Variants in LRSAM1 observed in about 807,000 individuals in gnomAD.
LRSAM1 encodes E3 ubiquitin-protein ligase LRSAM1.
In LRSAM1, 96 loss-of-function variants were observed where a neutral mutation model predicts 118.1. That is an observed-to-expected ratio of 0.81 (90% confidence interval 0.69 to 0.96). The LOEUF (loss-of-function observed/expected upper bound fraction) is 0.96, where lower values mean the gene tolerates loss of function less well. LRSAM1 is among the 40% of genes least tolerant of loss of function. The pLI is 0.00. For synonymous variants in LRSAM1, 322 were observed against 364.2 expected (o/e 0.88, Z 1.32); for missense variants, 804 against 915.5 (o/e 0.88, Z 1.57).
At chr9:127,454,901 C>T in intron 3 of LRSAM1, 97 bp from the exon 4 acceptor site, 1 of 1,189,818 alleles carries the variant, frequency 8.4e-7, no homozygotes, top group South Asian at 1.2e-5. Flanking sequence ...TGTCTATGGT[C>T]CTTTGCAGCT....
At chr9:127,482,619 G>A (rs1161227127) in intron 15 of LRSAM1, among the ~76,000 whole-genome samples, 1 of 152,180 alleles carries the variant, frequency 6.6e-6, no homozygotes, top group Non-Finnish European at 1.5e-5. Context: ...CAACCTAGTA[G>A]GTGAAAAGAT....
Position 127,487,743 on chromosome 9 carries a change from A to ATC in LRSAM1, c.1328_1329dup (p.Gln445AlafsTer19). The ATC allele has an allele frequency of 1.2e-6, 2 of 1,613,330 alleles. No homozygotes were observed. Among genetic ancestry groups the ATC allele is most frequent in the Non-Finnish European group, 1.7e-6 (2 of 1,179,688 alleles). Reference sequence around the variant, plus strand: ...GCAGCAAATGGATCAGAACAAAGCCATCAGCCAGATCCTGCAGGAGGTGAG... The same window carrying ATC: ...GCAGCAAATGGATCAGAACAAAGCCATCTCAGCCAGATCCTGCAGGAGGTGAG... On this transcript the variant is annotated frameshift_variant, in exon 18 of 26. Transcript: ENST00000300417. LOFTEE classifies it high-confidence loss of function.
chr9:127,460,334 C>G (rs1834687591), intron 7 of LRSAM1, among the ~76,000 whole-genome samples: 1 of 152,186 alleles, frequency 6.6e-6, no homozygotes, highest in South Asian at 2.1e-4. Context: ...GTGTGTCATC[C>G]TGCTAGCCTT....
chr9:127,468,658 C>CTCA (rs1835047609), intron 10 of LRSAM1, among the ~76,000 whole-genome samples: 1 of 152,036 alleles, frequency 6.6e-6, no homozygotes, highest in South Asian at 2.1e-4. Context: ...GCAGGCAGTA[C>CTCA]TCATGATAAA....
chr9:127,469,834 G>C (rs903584302), intron 10 of LRSAM1, among the ~76,000 whole-genome samples: 20 of 151,798 alleles, frequency 1.3e-4, no homozygotes, highest in African/African-American at 4.8e-4. Context: ...GCGTGGTGGC[G>C]GGCGCCTGTA....
chr9:127,478,013 T>C (rs991350025), intron 11 of LRSAM1, among the ~76,000 whole-genome samples: 5 of 149,294 alleles, frequency 3.3e-5, no homozygotes, highest in African/African-American at 1.2e-4. Context: ...TGTGCCATTA[T>C]TGCACTCCAG....
At chr9:127,487,120 G>A (rs1835758273) in intron 17 of LRSAM1, among the ~76,000 whole-genome samples, 1 of 151,052 alleles carries the variant, frequency 6.6e-6, no homozygotes, top group Non-Finnish European at 1.5e-5. Context: ...GGAAGTGGAG[G>A]TTGCAGTGAG....
rs1199584658 is a variant in LRSAM1 at position 127,462,575 on chromosome 9, A to G, written c.528+202A>G. ...TTTTGCTGCCATAATAGAGGCAGAA[A>G]AACATACATTAAGAATGAAGAAGAA... On this transcript the variant is annotated intron_variant, in intron 9 of 25. Transcript: ENST00000300417. Among the ~76,000 whole-genome samples the G allele has an allele frequency of 2.6e-5, 4 of 152,312 alleles. No individual in the cohort carries two copies. The East Asian group carries it at 7.7e-4, about 29-fold the overall frequency.
At chr9:127,495,524 ACT>A in intron 22 of LRSAM1, 106 bp downstream of exon 22, 2 of 934,380 alleles carry the variant, frequency 2.1e-6, no homozygotes, top group Admixed American at 2.0e-5. Context: ...TTTTCTGGTG[ACT>A]CTAGCATGCC....
chr9:127,493,303 C>G (rs1260240778), intron 21 of LRSAM1, among the ~76,000 whole-genome samples: 1 of 152,208 alleles, frequency 6.6e-6, no homozygotes, highest in Non-Finnish European at 1.5e-5. Flanking sequence ...CTCAAACGAT[C>G]TGTCTGCCTT....
chr9:127,463,007 C>A (rs1026589307), intron 9 of LRSAM1, among the ~76,000 whole-genome samples: 3 of 151,918 alleles, frequency 2.0e-5, no homozygotes, highest in Non-Finnish European at 4.4e-5. Context: ...ACCAGCCTGG[C>A]CAACATGGTG....
chr9:127,483,561 CA>C (rs528255972), intron 16 of LRSAM1, among the ~76,000 whole-genome samples: 93 of 152,166 alleles, frequency 6.1e-4, no homozygotes, highest in Middle Eastern at 6.8e-3. Context: ...AGCATGTTAT[CA>C]GGGGGAGTGT....
intron 23 of LRSAM1, 86 bp downstream of exon 23, chr9:127,496,181 T>C: frequency 6.4e-7 from 1 of 1,565,330 alleles, no homozygotes; most frequent in Admixed American, 1.8e-5. Flanking sequence ...CCTTGTGTAG[T>C]CCTCGTTGAG....
intron 17 of LRSAM1, among the ~76,000 whole-genome samples, chr9:127,486,050 C>T (rs1276432015): frequency 2.0e-5 from 3 of 152,236 alleles, no homozygotes; most frequent in Non-Finnish European, 1.5e-5. Context: ...CAGTCATTCC[C>T]ATTTCTTGTG....
intron 11 of LRSAM1, among the ~76,000 whole-genome samples, chr9:127,475,823 C>G (rs1250507601): frequency 1.3e-5 from 2 of 152,116 alleles, no homozygotes; most frequent in Non-Finnish European, 2.9e-5. Context: ...TCACTGCAAC[C>G]TCCATCTCCC....
chr9:127,485,614 G>A lies in LRSAM1; in HGVS notation c.1160-122G>A, dbSNP rs1271479896. On this transcript the variant is annotated intron_variant, in intron 16 of 25. Transcript: ENST00000300417. ...TTTTTTTTAAGATAACTATCAGGTA[G>A]GTAACCAGGTGAGGCCTCAAGGCCT... 4.6e-6 allele frequency: 4 copies of A among 862,456 alleles called. No homozygotes were observed. In the East Asian group the frequency reaches 7.3e-5, roughly 16 times the overall value. 53.4% of individuals were successfully genotyped at this position (862,456 alleles called of 1,614,324 possible).
intron 19 of LRSAM1, among the ~76,000 whole-genome samples, chr9:127,490,475 A>G (rs1442623314): frequency 1.3e-5 from 2 of 152,022 alleles, no homozygotes; most frequent in Non-Finnish European, 2.9e-5. Flanking sequence ...AAAATCCCCT[A>G]GACACACCCT....
At chr9:127,467,690 C>G in intron 9 of LRSAM1, 50 bp from the exon 10 acceptor site, 1 of 1,528,566 alleles carries the variant, frequency 6.5e-7, no homozygotes, top group Non-Finnish European at 8.9e-7. Flanking sequence ...CGTGTGGTCT[C>G]CGGTTGCGTT....
Position 127,499,424 on chromosome 9 carries a change from T to TGGGTA in LRSAM1, c.1913-1584_1913-1583insGTAGG, listed in dbSNP as rs371972404. 1.2e-3 allele frequency among the ~76,000 whole-genome samples: 178 copies of TGGGTA among 150,606 alleles called. 1 individual carries two copies. Among genetic ancestry groups the TGGGTA allele is most frequent in the African/African-American group, 4.3e-3 (177 of 40,922 alleles). On this transcript the variant is annotated intron_variant, in intron 24 of 25. Transcript: ENST00000300417. ...TAGCAAGGCGTCATCCCAGCTACTC[T>TGGGTA]GGAGGCTGAGGTAGGAGGATTGCTT...
Sources: gnomAD v4.1 joint callset for allele counts (sites outside exome capture counted in the v4.1 genomes callset) on GRCh38, gnomAD v4.1.1 for gene constraint, MANE v1.5 for transcripts, NCBI Gene and HGNC (gene_info 2026-07-23, HGNC 2026-07-21) for gene names.